Variants in CNTN4 observed in about 807,000 individuals in gnomAD.
CNTN4 encodes contactin 4, also known as contactin-4.
A neutral mutation model predicts 122.5 loss-of-function variants in CNTN4; 77 were observed. The observed-to-expected ratio is 0.63, with a 90% confidence interval of 0.52 to 0.76. The LOEUF is 0.76. CNTN4 is among the 30% of genes least tolerant of loss of function. The pLI is 0.00. For synonymous variants in CNTN4, 512 were observed against 447.0 expected (o/e 1.15, Z -1.83); for missense variants, 1,256 against 1,259.1 (o/e 1.00, Z 0.04).
chr3:2,274,821 A>C (rs2041438386), intron 2 of CNTN4, among the ~76,000 whole-genome samples: 1 of 152,164 alleles, frequency 6.6e-6, no homozygotes, highest in Admixed American at 6.5e-5. Context: ...CAGTGTCCAC[A>C]ACCCATGTCC....
intron 2 of CNTN4, among the ~76,000 whole-genome samples, chr3:2,276,074 A>G (rs1559404033): frequency 6.6e-6 from 1 of 152,126 alleles, no homozygotes; most frequent in African/African-American, 2.4e-5. Context: ...TATATATTGA[A>G]AAAACGTATA....
At chr3:2,759,262 TCTC>T (rs1362273973) in intron 6 of CNTN4, among the ~76,000 whole-genome samples, 4 of 152,136 alleles carry the variant, frequency 2.6e-5, no homozygotes, top group Non-Finnish European at 4.4e-5. Context: ...TTCAAGCTAT[TCTC>T]CTGCCTCAGC....
chr3:2,804,892 C>T (rs79629907), intron 6 of CNTN4, among the ~76,000 whole-genome samples: 331 of 152,192 alleles, frequency 2.2e-3, no homozygotes, highest in African/African-American at 7.5e-3. Flanking sequence ...GTGTCTTTAT[C>T]GGCCAGGCGT....
intron 2 of CNTN4, among the ~76,000 whole-genome samples, chr3:2,267,949 G>A (rs367904685): frequency 2.0e-5 from 3 of 152,010 alleles, no homozygotes; most frequent in South Asian, 2.1e-4. Context: ...TAGTGATGGA[G>A]GTAATGAGAA....
At chr3:2,597,988 G>C (rs575821586) in intron 4 of CNTN4, among the ~76,000 whole-genome samples, 1 of 152,054 alleles carries the variant, frequency 6.6e-6, no homozygotes, top group East Asian at 1.9e-4. Context: ...TTCTAACCAG[G>C]CAGCTGCTGA....
intron 2 of CNTN4, among the ~76,000 whole-genome samples, chr3:2,101,734 A>G (rs1252525948): frequency 1.3e-5 from 2 of 152,014 alleles, no homozygotes; most frequent in Non-Finnish European, 2.9e-5. Flanking sequence ...ACATGCTGTT[A>G]TATGATACAC....
chr3:2,104,275 A>G (rs1341539361), intron 2 of CNTN4, among the ~76,000 whole-genome samples: 3 of 150,432 alleles, frequency 2.0e-5, no homozygotes, highest in Non-Finnish European at 4.4e-5. Flanking sequence ...GTCCCTTCTT[A>G]TGATTTAATG....
chr3:2,438,024 T>G (rs1212162886), intron 3 of CNTN4, among the ~76,000 whole-genome samples: 1 of 152,174 alleles, frequency 6.6e-6, no homozygotes, highest in Non-Finnish European at 1.5e-5. Context: ...ATGCCCTGCC[T>G]CCAGCCAGAG....
chr3:2,498,775 A>G (rs1444841703), intron 3 of CNTN4, among the ~76,000 whole-genome samples: 2 of 150,352 alleles, frequency 1.3e-5, no homozygotes, highest in Non-Finnish European at 3.0e-5. Context: ...AGCCACTGCA[A>G]TTTTTCCTCT....
intron 12 of CNTN4, among the ~76,000 whole-genome samples, chr3:2,911,668 A>G (rs903812525): frequency 3.3e-5 from 5 of 152,188 alleles, no homozygotes; most frequent in Admixed American, 6.5e-5. Flanking sequence ...GACAGTACAG[A>G]TAGATAACTA....
chr3:2,307,434 CAAAAAA>C (rs61558669), intron 2 of CNTN4, among the ~76,000 whole-genome samples: 1 of 124,510 alleles, frequency 8.0e-6, no homozygotes. Flanking sequence ...GACTCCATCT[CAAAAAA>C]AAAAAAAAAA....
intron 3 of CNTN4, among the ~76,000 whole-genome samples, chr3:2,519,820 C>T (rs2077146738): frequency 6.6e-6 from 1 of 152,118 alleles, no homozygotes; most frequent in Non-Finnish European, 1.5e-5. Flanking sequence ...TTTTCAACTT[C>T]TATGGTAAGT....
intron 2 of CNTN4, among the ~76,000 whole-genome samples, chr3:2,305,269 C>G (rs569316600): frequency 9.9e-5 from 15 of 152,240 alleles, no homozygotes; most frequent in Middle Eastern, 3.4e-3. Flanking sequence ...AGAATGCCCT[C>G]AGTTCAAAGA....
At chr3:2,819,712 GA>G in intron 7 of CNTN4, 131 bp downstream of exon 7, 2 of 752,658 alleles carry the variant, frequency 2.7e-6, no homozygotes, top group South Asian at 1.5e-5. Context: ...CCATGTGGAG[GA>G]AAAACCACGG....
At chr3:2,387,310 T>A (rs535055472) in intron 3 of CNTN4, among the ~76,000 whole-genome samples, 2 of 152,174 alleles carry the variant, frequency 1.3e-5, no homozygotes, top group Admixed American at 6.5e-5. Context: ...AAATCACTTA[T>A]TAAATATTTA....
chr3:2,823,730 T>A (rs1237712700), intron 7 of CNTN4, among the ~76,000 whole-genome samples: 1 of 152,166 alleles, frequency 6.6e-6, no homozygotes, highest in East Asian at 1.9e-4. Context: ...AACTTTGAGA[T>A]TCTTCCTTCC....
At chr3:2,194,819 G>A (rs1429933111) in intron 2 of CNTN4, among the ~76,000 whole-genome samples, 1 of 152,104 alleles carries the variant, frequency 6.6e-6, no homozygotes, top group Non-Finnish European at 1.5e-5. Flanking sequence ...CTATGAAGAA[G>A]TTTTCGTGAC....
intron 4 of CNTN4, among the ~76,000 whole-genome samples, chr3:2,644,511 G>C (rs770539334): frequency 6.6e-6 from 1 of 151,860 alleles, no homozygotes; most frequent in East Asian, 1.9e-4. Flanking sequence ...GCTTTACCCT[G>C]TATCTCTCTG....
At chr3:2,336,441 A>C (rs2043957282) in intron 2 of CNTN4, among the ~76,000 whole-genome samples, 1 of 152,138 alleles carries the variant, frequency 6.6e-6, no homozygotes, top group African/African-American at 2.4e-5. Context: ...TTTCCTTACA[A>C]ATTTGTAGGT....
Sources: allele counts gnomAD v4.1 joint callset (sites outside exome capture counted in the v4.1 genomes callset), GRCh38; gene constraint gnomAD v4.1.1; transcripts MANE v1.5; gene names NCBI Gene and HGNC (gene_info 2026-07-23, HGNC 2026-07-21).